The following PDE4B variants were observed in gnomAD, a reference collection of about 807,000 sequenced individuals.
PDE4B encodes 3',5'-cyclic-AMP phosphodiesterase 4B.
PDE4B carries 20 observed loss-of-function variants against 82.2 expected under a neutral mutation model. That is an observed-to-expected ratio of 0.24 (90% CI 0.17 to 0.35). The LOEUF is 0.35. Ranked by LOEUF, PDE4B falls within the 10% of genes least tolerant of loss-of-function variation. The probability of loss-of-function intolerance (pLI) is 1.00; values close to 1 mark genes in which losing one functional copy is unlikely to be tolerated. For missense variants in PDE4B, 655 were observed against 907.2 expected (o/e 0.72, Z 3.57); for synonymous variants, 320 against 318.9 (o/e 1.00, Z -0.04).
In PDE4B at chr1:65,955,187, G is replaced by A. The variant is rs561622382; in HGVS notation, c.281+36352G>A. On this transcript the variant is annotated intron_variant, in intron 3 of 16. Coordinates refer to ENST00000341517, the MANE Select transcript of PDE4B (RefSeq NM_002600.4). ...TTTTCTTTTACCAAAATCCTTCCCTGTACCCTGGAGCCCTGTCCGTCCATC... is the reference window on the plus strand; with the variant it reads ...TTTTCTTTTACCAAAATCCTTCCCTATACCCTGGAGCCCTGTCCGTCCATC... Among the ~76,000 whole-genome samples, 6 of 152,194 alleles carry A rather than the reference G, an allele frequency of 3.9e-5. No homozygotes were observed. The East Asian group carries it at 7.7e-4, about 20-fold the overall frequency.
intron 3 of PDE4B, among the ~76,000 whole-genome samples, chr1:66,212,560 G>A (rs1212376348): frequency 6.6e-6 from 1 of 152,036 alleles, no homozygotes; most frequent in South Asian, 2.1e-4. Context: ...AAGTAAAAGT[G>A]CTTTTCACTT....
chr1:66,040,034 A>C (rs1353141531), intron 3 of PDE4B, among the ~76,000 whole-genome samples: 2 of 152,060 alleles, frequency 1.3e-5, no homozygotes, highest in Non-Finnish European at 2.9e-5. Flanking sequence ...CTCCATTAGC[A>C]TCCAAACTGG....
chr1:66,295,476 A>C (rs1657442564), intron 7 of PDE4B, among the ~76,000 whole-genome samples: 1 of 151,984 alleles, frequency 6.6e-6, no homozygotes, highest in Non-Finnish European at 1.5e-5. Flanking sequence ...TCACTCTGTC[A>C]TGAGTGCAGT....
intron 1 of PDE4B, among the ~76,000 whole-genome samples, chr1:65,835,383 G>A (rs1356585810): frequency 2.0e-5 from 3 of 152,212 alleles, no homozygotes; most frequent in African/African-American, 4.8e-5. Flanking sequence ...GGTGTTCATC[G>A]TAAGTGTATT....
rs909997923 is a variant in PDE4B, at chr1:66,063,373, A to G, written c.281+144538A>G. Among the ~76,000 whole-genome samples, 4 of 152,024 alleles carry G rather than the reference A, an allele frequency of 2.6e-5. No individual in the cohort carries two copies. The East Asian group carries it at 7.7e-4, about 29-fold the overall frequency. Reference sequence around the variant, plus strand: ...GCCCCCTACTTAGGGATTCTGATATAATTTATCTACAGTGGGTGCTGGGCT... The same window carrying G: ...GCCCCCTACTTAGGGATTCTGATATGATTTATCTACAGTGGGTGCTGGGCT... On this transcript the variant is annotated intron_variant, in intron 3 of 16. Coordinates refer to ENST00000341517, the MANE Select transcript of PDE4B (RefSeq NM_002600.4).
intron 3 of PDE4B, among the ~76,000 whole-genome samples, chr1:66,096,543 C>G (rs866247780): frequency 4.8e-4 from 17 of 35,562 alleles, no homozygotes; most frequent in Admixed American, 1.2e-3. Flanking sequence ...TATATATATA[C>G]TGCATTTCAA....
intron 8 of PDE4B, among the ~76,000 whole-genome samples, chr1:66,350,504 C>A (rs1661742804): frequency 6.6e-6 from 1 of 152,040 alleles, no homozygotes; most frequent in African/African-American, 2.4e-5. Flanking sequence ...TTAGGAGTCA[C>A]TCCTAAGTGA....
At chr1:66,192,557 A>G (rs560451828) in intron 3 of PDE4B, among the ~76,000 whole-genome samples, 3 of 152,228 alleles carry the variant, frequency 2.0e-5, no homozygotes, top group Admixed American at 2.0e-4. Flanking sequence ...TGTTTCCTTC[A>G]TATTTATACC....
At chr1:65,823,788 CT>C (rs1168219218) in intron 1 of PDE4B, among the ~76,000 whole-genome samples, 2 of 152,184 alleles carry the variant, frequency 1.3e-5, no homozygotes, top group African/African-American at 4.8e-5. Flanking sequence ...ATCATCTACA[CT>C]TTCTTTCTGC....
At chr1:66,029,745 T>G (rs564872645) in intron 3 of PDE4B, among the ~76,000 whole-genome samples, 1 of 152,332 alleles carries the variant, frequency 6.6e-6, no homozygotes, top group African/African-American at 2.4e-5. Flanking sequence ...TGAATTCATC[T>G]TCCTACATCT....
chr1:66,332,262 A>C, intron 7 of PDE4B: 1 of 1,470,956 alleles, frequency 6.8e-7, no homozygotes, highest in South Asian at 1.4e-5. Context: ...GTTTCTTGGT[A>C]GATCACCGAC....
intron 3 of PDE4B, among the ~76,000 whole-genome samples, chr1:65,978,500 C>G (rs1937433): frequency 0.41 from 62,047 of 151,150 alleles, 14,604 homozygotes; most frequent in Non-Finnish European, 0.53. Context: ...AACACAGACT[C>G]CTTATAAATA....
intron 7 of PDE4B, among the ~76,000 whole-genome samples, chr1:66,287,738 TG>T (rs1399815960): frequency 6.6e-6 from 1 of 151,926 alleles, no homozygotes; most frequent in Non-Finnish European, 1.5e-5. Context: ...GAGGCTGAGG[TG>T]GGAGGATTTC....
intron 3 of PDE4B, among the ~76,000 whole-genome samples, chr1:65,929,385 G>T (rs1287976169): frequency 2.0e-5 from 3 of 152,160 alleles, no homozygotes; most frequent in Admixed American, 1.3e-4. Flanking sequence ...CTTCATCAGT[G>T]TCTTCCCACA....
intron 3 of PDE4B, chr1:65,992,880 G>T: frequency 6.2e-7 from 1 of 1,602,970 alleles, no homozygotes; most frequent in South Asian, 1.1e-5. Context: ...TGTTTTGGAT[G>T]GTGAAAGCTA....
intron 3 of PDE4B, among the ~76,000 whole-genome samples, chr1:66,149,792 G>A (rs1278884019): frequency 2.0e-5 from 3 of 152,188 alleles, no homozygotes. Flanking sequence ...GTTTGAGGAT[G>A]CAGTAAGCTA....
At chr1:66,250,232 C>T (rs1175385405) in intron 4 of PDE4B, among the ~76,000 whole-genome samples, 1 of 152,102 alleles carries the variant, frequency 6.6e-6, no homozygotes, top group African/African-American at 2.4e-5. Context: ...ATCCAGGAAG[C>T]AAGAAGGGTG....
intron 3 of PDE4B, among the ~76,000 whole-genome samples, chr1:66,072,960 C>G (rs1293554730): frequency 6.6e-6 from 1 of 150,724 alleles, no homozygotes; most frequent in African/African-American, 2.4e-5. Flanking sequence ...AAAATTTAAA[C>G]AGCAAATAAA....
intron 15 of PDE4B, 23 bp from the exon 16 acceptor site, chr1:66,368,763 AT>A: frequency 6.7e-7 from 1 of 1,488,944 alleles, no homozygotes; most frequent in Non-Finnish European, 9.0e-7. Flanking sequence ...ATTTTATGAG[AT>A]TTCCAAAACT....
Sources: allele counts gnomAD v4.1 joint callset (sites outside exome capture counted in the v4.1 genomes callset), GRCh38; gene constraint gnomAD v4.1.1; transcripts MANE v1.5; gene names NCBI Gene and HGNC (gene_info 2026-07-23, HGNC 2026-07-21).